The following CNGA3 variants were observed in gnomAD, a reference collection of about 807,000 sequenced individuals.
CNGA3 encodes the protein cyclic nucleotide-gated channel alpha-3.
A neutral mutation model predicts 46.6 loss-of-function variants in CNGA3; 42 were observed. That is an observed-to-expected ratio of 0.90 (90% CI 0.70 to 1.17). The LOEUF (loss-of-function observed/expected upper bound fraction) is 1.17. Among genes scored for constraint, CNGA3 ranks in the 50% most tolerant of loss-of-function variants. The pLI is 0.00. For missense variants in CNGA3, 893 were observed against 890.7 expected, an observed-to-expected ratio of 1.00 and a Z score of -0.03; for synonymous variants, 394 against 369.4, an observed-to-expected ratio of 1.07 and a Z score of -0.76.
rs771785153 is a variant in CNGA3, at chr2:98,380,313, G to T, written c.354G>T (p.Gln118His). Residue 118 changes from glutamine to histidine, a missense_variant, in exon 4 of 8, where the codon CAG (glutamine) becomes CAT (histidine). Around this residue, in one of 3 missense-constraint regions of CNGA3, gnomAD observed 333 missense variants for 290.8 expected, o/e 1.15. Coordinates refer to ENST00000272602, the MANE Select transcript of CNGA3 (RefSeq NM_001298.3). ...KEVSSQESNA[Q>H]ANVGSQEPAD... Reference sequence around the variant, plus strand: ...TGTCCAGCCAAGAAAGCAATGCCCAGGCAAATGTGGGCAGCCAGGAGCCAG... The same window carrying T: ...TGTCCAGCCAAGAAAGCAATGCCCATGCAAATGTGGGCAGCCAGGAGCCAG... The T allele has an allele frequency of 3.1e-6, 5 of 1,614,072 alleles. No individual in the cohort carries two copies. Among genetic ancestry groups the T allele is most frequent in the Non-Finnish European group, 4.2e-6 (5 of 1,180,040 alleles).
chr2:98,359,913 T>C (rs59952489), intron 1 of CNGA3, among the ~76,000 whole-genome samples: 34,091 of 152,118 alleles, frequency 0.22, 4,338 homozygotes, highest in Admixed American at 0.37. Context: ...GTTTGGGGCA[T>C]TCAGACCATA....
chr2:98,361,698 TCTTGA>T (rs1448057522), intron 1 of CNGA3, among the ~76,000 whole-genome samples: 1 of 148,856 alleles, frequency 6.7e-6, no homozygotes, highest in African/African-American at 2.5e-5. Flanking sequence ...ACTGTCCTTT[TCTTGA>T]CTTTTTTTTT....
At chr2:98,349,146 G>A (rs1292968713) in intron 1 of CNGA3, among the ~76,000 whole-genome samples, 3 of 152,092 alleles carry the variant, frequency 2.0e-5, no homozygotes, top group African/African-American at 7.2e-5. Flanking sequence ...CTGCATCATG[G>A]GGGGAGTCCA....
At position 98,396,714 on chromosome 2, in the gene CNGA3, T is replaced by C; in HGVS notation, c.1544T>C (p.Ile515Thr). Residue 515 changes from isoleucine (I) to threonine (T), a missense_variant, in exon 8 of 8, where the codon ATT becomes ACT. Around this residue, in one of 3 missense-constraint regions of CNGA3, gnomAD observed 548 missense variants for 570.8 expected, o/e 0.96. Coordinates refer to ENST00000272602, the MANE Select transcript of CNGA3 (RefSeq NM_001298.3). ...PGDYICKKGDIGKEMYIINEG... is the reference protein window; with the variant it reads ...PGDYICKKGDTGKEMYIINEG... ...GATTATATCTGCAAGAAGGGAGATATTGGGAAGGAGATGTACATCATCAAC... is the reference window on the plus strand; with the variant it reads ...GATTATATCTGCAAGAAGGGAGATACTGGGAAGGAGATGTACATCATCAAC... 3 of 1,614,066 alleles carry C rather than the reference T, an allele frequency of 1.9e-6. No individual in the cohort carries two copies. Among genetic ancestry groups the C allele is most frequent in the South Asian group, 1.1e-5 (1 of 91,076 alleles).
At chr2:98,383,275 T>C in intron 4 of CNGA3, 113 bp from the exon 5 acceptor site, 1 of 1,010,900 alleles carries the variant, frequency 9.9e-7, no homozygotes, top group South Asian at 1.3e-5. Context: ...GTGCAAAGGC[T>C]GGAAGCAGTG....
chr2:98,364,167 C>T (rs1692094595), intron 1 of CNGA3, among the ~76,000 whole-genome samples: 1 of 152,098 alleles, frequency 6.6e-6, no homozygotes, highest in Non-Finnish European at 1.5e-5. Context: ...CACTTGAGAT[C>T]AGAAGTTCAA....
At chr2:98,385,705 C>T (rs531114570) in intron 5 of CNGA3, among the ~76,000 whole-genome samples, 1 of 152,210 alleles carries the variant, frequency 6.6e-6, no homozygotes, top group African/African-American at 2.4e-5. Context: ...GCCTGAGACT[C>T]GGTAATTTAT....
chr2:98,375,417 A>T (rs1692383027), intron 2 of CNGA3, among the ~76,000 whole-genome samples: 1 of 152,166 alleles, frequency 6.6e-6, no homozygotes, highest in Non-Finnish European at 1.5e-5. Flanking sequence ...GTCAGCTGCC[A>T]TCACCACCAC....
chr2:98,389,018 A>G (rs188874352), intron 5 of CNGA3, among the ~76,000 whole-genome samples: 2 of 152,350 alleles, frequency 1.3e-5, no homozygotes, highest in Non-Finnish European at 2.9e-5. Flanking sequence ...AATAAAAGTT[A>G]AGCACTCTAA....
At chr2:98,391,782 C>T in intron 6 of CNGA3, 82 bp from the exon 7 acceptor site, 3 of 1,349,102 alleles carry the variant, frequency 2.2e-6, no homozygotes, top group South Asian at 2.3e-5. Flanking sequence ...GCGTCTTCCA[C>T]ACAGAGCCCG....
intron 1 of CNGA3, among the ~76,000 whole-genome samples, chr2:98,346,819 C>A (rs1489133825): frequency 2.0e-5 from 3 of 152,166 alleles, no homozygotes; most frequent in Non-Finnish European, 4.4e-5. Flanking sequence ...CCCGTGCTCC[C>A]CAAGCCGATC....
chr2:98,388,077 A>G (rs1331627816), intron 5 of CNGA3, among the ~76,000 whole-genome samples: 1 of 152,216 alleles, frequency 6.6e-6, no homozygotes, highest in Non-Finnish European at 1.5e-5. Flanking sequence ...CGCTTCAGGA[A>G]TAATAATAAC....
In CNGA3 at chr2:98,377,765, C is replaced by A; in HGVS notation, c.180C>A (p.Ser60=). 1.1e-5 allele frequency: 17 copies of A among 1,612,546 alleles called. No individual in the cohort carries two copies. Among genetic ancestry groups the A allele is most frequent in the Non-Finnish European group, 1.2e-5 (14 of 1,179,902 alleles). The part of the protein sequence containing the change: ...IAMETRGLAD[S]GQGSFTGQGI... ...TGGAGACCAGAGGACTGGCTGACTC[C>A]GGGCAGGGCTCCTTCACCGGCCAGG... Residue 60 remains serine (S), a synonymous_variant, in exon 3 of 8, where the codon TCC becomes TCA. Transcript: ENST00000272602.
rs1692249219 is a variant in CNGA3, at chr2:98,370,001, C to G, written c.26C>G (p.Ser9Cys). The stretch of plus-strand genomic sequence containing the variant: ...ATGGCCAAGATCAACACCCAATACT[C>G]CCACCCCTCCAGGACCCACCTCAAG... MAKINTQY[S>C]HPSRTHLKVK... Residue 9 changes from serine to cysteine, a missense_variant, in exon 2 of 8, where the codon TCC becomes TGC. Ser to Cys is a moderately radical substitution (Grantham distance 112). Around this residue, in one of 3 missense-constraint regions of CNGA3, gnomAD observed 333 missense variants for 290.8 expected, o/e 1.15. Coordinates refer to ENST00000272602, the MANE Select transcript of CNGA3 (RefSeq NM_001298.3). 2 of 1,613,850 alleles carry G rather than the reference C, an allele frequency of 1.2e-6. No homozygotes were observed. The highest frequency in any genetic ancestry group is 2.2e-5 in the South Asian group (2 of 91,028).
Position 98,346,528 on chromosome 2 carries a change from T to C in CNGA3, c.-44T>C, listed in dbSNP as rs1286420235. On this transcript the variant is annotated 5_prime_UTR_variant, in exon 1 of 8. Coordinates refer to ENST00000272602, the MANE Select transcript of CNGA3 (RefSeq NM_001298.3). ...GCGCGCCGCGGAGAAGCTCAAACTT[T>C]GGCAGGGTAAGGATTTTTAGGGGCT... 2.5e-6 allele frequency: 1 copy of C among 397,886 alleles called. No homozygotes were observed. The highest frequency in any genetic ancestry group is 2.1e-5 in the African/African-American group (1 of 48,486). The allele number at this position is 397,886 out of a possible 1,614,324, so 24.6% of individuals were successfully genotyped here.
chr2:98,377,809 C>G lies in CNGA3; in HGVS notation c.215+9C>G, dbSNP rs749333556. 1 of 1,606,270 alleles carries G rather than the reference C, an allele frequency of 6.2e-7. No homozygotes were observed. On this transcript the variant is annotated intron_variant, in intron 3 of 7. Coordinates refer to ENST00000272602, the MANE Select transcript of CNGA3 (RefSeq NM_001298.3). ...GGCCAGGGGATCGCCAGGTAACTGA[C>G]CAGCCTCAGTCCCTACCTTGGCCTG...
Position 98,391,750 on chromosome 2 carries a change from C to T in CNGA3, c.567-114C>T. 4 of 944,896 alleles carry T rather than the reference C, an allele frequency of 4.2e-6. No individual in the cohort carries two copies. The South Asian group carries it at 5.3e-5, about 13-fold the overall frequency. 58.5% of individuals were successfully genotyped at this position (944,896 alleles called of 1,614,324 possible). A position where few individuals can be genotyped will look rare whatever the true frequency, so the allele number is the denominator to read the frequency against. ...GAGGTAGTGACACCGCAGGCAGGGCCATTCCCATATTACATGATCCAGCGT... is the reference window on the plus strand; with the variant it reads ...GAGGTAGTGACACCGCAGGCAGGGCTATTCCCATATTACATGATCCAGCGT... On this transcript the variant is annotated intron_variant, in intron 6 of 7. Coordinates refer to ENST00000272602, the MANE Select transcript of CNGA3 (RefSeq NM_001298.3).
At chr2:98,352,300 T>C (rs1691785314) in intron 1 of CNGA3, among the ~76,000 whole-genome samples, 1 of 152,214 alleles carries the variant, frequency 6.6e-6, no homozygotes, top group Non-Finnish European at 1.5e-5. Flanking sequence ...TAATAAATGA[T>C]TGTCGTTTCC....
At chr2:98,380,394 T>G (rs753627084) in intron 4 of CNGA3, 40 bp downstream of exon 4, 26 of 1,593,646 alleles carry the variant, frequency 1.6e-5, no homozygotes, top group African/African-American at 2.7e-5. Context: ...TGGTGCCTGC[T>G]GGGGCCAGGC....
Sources: gnomAD v4.1 joint callset for allele counts (sites outside exome capture counted in the v4.1 genomes callset) on GRCh38, gnomAD v4.1.1 for gene constraint, gnomAD v4.1.1 regional missense constraint, MANE v1.5 for transcripts, NCBI Gene and HGNC (gene_info 2026-07-23, HGNC 2026-07-21) for gene names.